Variants in MED13L observed in about 807,000 individuals in gnomAD.
The protein encoded by MED13L is mediator complex subunit 13L, also known as mediator of RNA polymerase II transcription subunit 13-like.
MED13L carries 7 observed loss-of-function variants against 220.9 expected under a neutral mutation model. That is an observed-to-expected ratio of 0.03 (90% confidence interval 0.02 to 0.06). MED13L has a LOEUF of 0.06. Ranked by LOEUF, MED13L falls within the 10% of genes least tolerant of loss-of-function variation. The probability of loss-of-function intolerance (pLI) is 1.00; values close to 1 mark genes in which losing one functional copy is unlikely to be tolerated. For missense variants in MED13L, 1,965 were observed against 2,760.5 expected (o/e 0.71, Z 6.46); for synonymous variants, 1,011 against 1,015.2 (o/e 1.00, Z 0.08).
chr12:116,180,660 G>A (rs762878611), intron 2 of MED13L, among the ~76,000 whole-genome samples: 1 of 152,076 alleles, frequency 6.6e-6, no homozygotes, highest in Non-Finnish European at 1.5e-5. Context: ...AGATCTACAC[G>A]AGATCCCGCC....
intron 4 of MED13L, among the ~76,000 whole-genome samples, chr12:116,028,966 A>G (rs1445623063): frequency 6.6e-6 from 1 of 152,098 alleles, no homozygotes; most frequent in East Asian, 1.9e-4. Context: ...AATAATCTTT[A>G]TGTCTTCCTC....
intron 2 of MED13L, among the ~76,000 whole-genome samples, chr12:116,118,011 G>A (rs978972351): frequency 6.6e-6 from 1 of 152,138 alleles, no homozygotes; most frequent in Non-Finnish European, 1.5e-5. Flanking sequence ...GTCTTACCAT[G>A]TTGCCCAGGC....
At chr12:116,215,215 C>G (rs1384625886) in intron 2 of MED13L, among the ~76,000 whole-genome samples, 1 of 152,146 alleles carries the variant, frequency 6.6e-6, no homozygotes, top group African/African-American at 2.4e-5. Context: ...ATGGAGTAGT[C>G]TAAATGACAA....
At chr12:115,981,474 T>C (rs1243948594) in intron 22 of MED13L, among the ~76,000 whole-genome samples, 2 of 152,218 alleles carry the variant, frequency 1.3e-5, no homozygotes, top group Non-Finnish European at 2.9e-5. Flanking sequence ...TTTTCATCTA[T>C]ATAGAATTTT....
At chr12:116,032,892 G>C (rs1487037073) in intron 4 of MED13L, among the ~76,000 whole-genome samples, 1 of 151,996 alleles carries the variant, frequency 6.6e-6, no homozygotes, top group Non-Finnish European at 1.5e-5. Flanking sequence ...AAGGAGGAGA[G>C]GAGACAAGGA....
intron 3 of MED13L, chr12:116,110,082 T>C (rs967681843): frequency 2.6e-5 from 4 of 152,062 alleles, no homozygotes; most frequent in African/African-American, 7.2e-5. Context: ...ACGTAAAAAG[T>C]TTTTCTCATA....
chr12:115,964,637 T>C (rs1876014411), intron 29 of MED13L, among the ~76,000 whole-genome samples: 1 of 152,264 alleles, frequency 6.6e-6, no homozygotes, highest in African/African-American at 2.4e-5. Flanking sequence ...TGTTTCATTC[T>C]ATCACTGTCA....
At chr12:116,208,697 G>C (rs1882507760) in intron 2 of MED13L, among the ~76,000 whole-genome samples, 1 of 152,222 alleles carries the variant, frequency 6.6e-6, no homozygotes, top group African/African-American at 2.4e-5. Context: ...TGGATATAGT[G>C]GTTCATGTCT....
At chr12:116,132,564 T>G (rs1876163137) in intron 2 of MED13L, among the ~76,000 whole-genome samples, 1 of 152,100 alleles carries the variant, frequency 6.6e-6, no homozygotes. Context: ...TCTTTTCTAC[T>G]TGCTTTTTTT....
chr12:115,978,970 G>A (rs1194679293), intron 23 of MED13L, among the ~76,000 whole-genome samples: 4 of 152,154 alleles, frequency 2.6e-5, no homozygotes, highest in African/African-American at 9.7e-5. Context: ...GGAGGCAGGG[G>A]CCTGTTTTGT....
intron 4 of MED13L, among the ~76,000 whole-genome samples, chr12:116,036,762 C>T (rs1457797076): frequency 6.6e-6 from 1 of 152,142 alleles, no homozygotes; most frequent in Non-Finnish European, 1.5e-5. Context: ...ACTTACTCTC[C>T]TTAAAAATGT....
intron 2 of MED13L, among the ~76,000 whole-genome samples, chr12:116,207,416 A>G (rs1426877144): frequency 1.3e-5 from 2 of 152,246 alleles, no homozygotes; most frequent in Non-Finnish European, 2.9e-5. Context: ...GCCCAGATGT[A>G]TATAGTAGGC....
intron 2 of MED13L, among the ~76,000 whole-genome samples, chr12:116,166,729 T>C (rs915464552): frequency 1.3e-5 from 2 of 152,218 alleles, no homozygotes; most frequent in African/African-American, 4.8e-5. Flanking sequence ...CCTCCTACCC[T>C]GCCAATAACC....
chr12:116,005,345 C>A (rs1388428256), intron 13 of MED13L, among the ~76,000 whole-genome samples: 1 of 152,188 alleles, frequency 6.6e-6, no homozygotes, highest in Non-Finnish European at 1.5e-5. Flanking sequence ...TCTTCTCTGT[C>A]ATTTTAATTG....
chr12:115,999,956 G>A (rs950802388), intron 14 of MED13L, among the ~76,000 whole-genome samples: 8 of 152,168 alleles, frequency 5.3e-5, no homozygotes, highest in Non-Finnish European at 1.2e-4. Context: ...GGAAGACTCA[G>A]TCTGTCTCAC....
At chr12:115,986,990 G>T in intron 18 of MED13L, 119 bp downstream of exon 18, 1 of 1,042,172 alleles carries the variant, frequency 9.6e-7, no homozygotes, top group Non-Finnish European at 1.4e-6. Context: ...AAACTAAATG[G>T]TCAAAGAAAA....
At chr12:116,257,615 A>T (rs1190779739) in intron 1 of MED13L, among the ~76,000 whole-genome samples, 1 of 152,224 alleles carries the variant, frequency 6.6e-6, no homozygotes, top group Non-Finnish European at 1.5e-5. Context: ...CAGGCCTCCA[A>T]GCTGCCTGTA....
chr12:116,033,281 T>C (rs1159323993), intron 4 of MED13L, among the ~76,000 whole-genome samples: 1 of 152,144 alleles, frequency 6.6e-6, no homozygotes, highest in African/African-American at 2.4e-5. Context: ...ACACCTGGGC[T>C]TATACCTGAA....
chr12:116,186,355 C>T (rs1275008099), intron 2 of MED13L, among the ~76,000 whole-genome samples: 1 of 152,160 alleles, frequency 6.6e-6, no homozygotes, highest in African/African-American at 2.4e-5. Flanking sequence ...ATCAGATTTA[C>T]AGAAAGAAGC....
Sources: gnomAD v4.1 joint callset for allele counts (sites outside exome capture counted in the v4.1 genomes callset) on GRCh38, gnomAD v4.1.1 for gene constraint, MANE v1.5 for transcripts, NCBI Gene and HGNC (gene_info 2026-07-23, HGNC 2026-07-21) for gene names.